Variants in IDH2 observed in about 807,000 individuals in gnomAD.
The protein encoded by IDH2 is isocitrate dehydrogenase [NADP], mitochondrial.
A neutral mutation model predicts 50.5 loss-of-function variants in IDH2; 18 were observed. The ratio of observed to expected loss-of-function variants is 0.36; its 90% CI spans 0.25 to 0.53. The LOEUF (loss-of-function observed/expected upper bound fraction) is 0.53, where lower values mean the gene tolerates loss of function less well. Among genes scored for constraint, IDH2 ranks in the 20% least tolerant of loss-of-function variants. The pLI is 0.92. For synonymous variants in IDH2, 280 were observed against 239.8 expected (o/e 1.17, Z -1.55); for missense variants, 518 against 610.7 (o/e 0.85, Z 1.60).
At chr15:90,090,219 G>A (rs1396384962) in intron 3 of IDH2, among the ~76,000 whole-genome samples, 16 of 152,136 alleles carry the variant, frequency 1.1e-4, no homozygotes, top group Non-Finnish European at 1.0e-4. Flanking sequence ...TGCCCTAACC[G>A]TGGAACCTGA....
chr15:90,089,206 G>A (rs1900965024), intron 3 of IDH2, among the ~76,000 whole-genome samples: 1 of 152,078 alleles, frequency 6.6e-6, no homozygotes, highest in African/African-American at 2.4e-5. Context: ...GAGCCACCAT[G>A]CCCAGCAAGT....
At chr15:90,101,612 TG>T (rs1901333134) in intron 1 of IDH2, among the ~76,000 whole-genome samples, 1 of 145,120 alleles carries the variant, frequency 6.9e-6, no homozygotes, top group African/African-American at 2.6e-5. Context: ...GGCATGTGCC[TG>T]CCAAGGCAGG....
chr15:90,086,172 A>G (rs1435439966), intron 7 of IDH2, among the ~76,000 whole-genome samples: 4 of 152,162 alleles, frequency 2.6e-5, no homozygotes, highest in Non-Finnish European at 5.9e-5. Context: ...AAGTAAAGCC[A>G]AAGGTTTACA....
intron 1 of IDH2, among the ~76,000 whole-genome samples, chr15:90,093,672 T>A (rs1344426745): frequency 6.6e-6 from 1 of 152,184 alleles, no homozygotes; most frequent in Admixed American, 6.5e-5. Flanking sequence ...CAGGCTGGAA[T>A]GCAATGGCGT....
intron 1 of IDH2, among the ~76,000 whole-genome samples, chr15:90,097,867 CAGG>C (rs1012370915): frequency 1.3e-5 from 2 of 152,102 alleles, no homozygotes; most frequent in African/African-American, 4.8e-5. Flanking sequence ...CAAAAAAAAT[CAGG>C]AGATTTTATA....
At chr15:90,099,593 C>A (rs1273423285) in intron 1 of IDH2, among the ~76,000 whole-genome samples, 1 of 152,058 alleles carries the variant, frequency 6.6e-6, no homozygotes, top group African/African-American at 2.4e-5. Flanking sequence ...TAGCTAAGAC[C>A]ACAGACATGC....
intron 1 of IDH2, among the ~76,000 whole-genome samples, chr15:90,092,616 C>T (rs886983188): frequency 2.0e-5 from 3 of 151,926 alleles, no homozygotes; most frequent in Non-Finnish European, 4.4e-5. Flanking sequence ...GCTATTGTCC[C>T]CCAGGGTGGG....
In IDH2 at chr15:90,100,440, G is replaced by T; in HGVS notation, c.115+1836C>A. On this transcript the variant is annotated intron_variant, in intron 1 of 10. Transcript: ENST00000330062. This position sits in a 1 kb window ranked among gnomAD's most constrained non-coding sequence, Gnocchi z 4.1. Reference sequence around the variant, plus strand: ...CAGGGCAGCTAGGGCCTTATCTGACGTGGCAGAAAGATCTGCACACTTAAG... The same window carrying T: ...CAGGGCAGCTAGGGCCTTATCTGACTTGGCAGAAAGATCTGCACACTTAAG... The T allele has an allele frequency of 5.8e-6, 1 of 171,146 alleles. No homozygotes were observed. The highest frequency in any genetic ancestry group is 1.2e-5 in the Non-Finnish European group (1 of 85,314). 10.6% of individuals were successfully genotyped at this position (171,146 alleles called of 1,614,324 possible).
chr15:90,084,938 T>C lies in IDH2; in HGVS notation c.1179-30A>G, dbSNP rs749998939. 6 of 1,612,672 alleles carry C rather than the reference T, an allele frequency of 3.7e-6. No individual in the cohort carries two copies. The highest frequency in any genetic ancestry group is 1.7e-5 in the Admixed American group (1 of 60,028). On this transcript the variant is annotated intron_variant, in intron 9 of 10. Coordinates refer to ENST00000330062, the MANE Select transcript of IDH2 (RefSeq NM_002168.4). The surrounding 1 kb of genome is among the most constrained non-coding windows in gnomAD (Gnocchi z 5.0). ...GGGGATGGGGCAGAATGAGACCCCATCTGTGCAAGGGCAGGACCCAGAGCC... is the reference window on the plus strand; with the variant it reads ...GGGGATGGGGCAGAATGAGACCCCACCTGTGCAAGGGCAGGACCCAGAGCC...
In IDH2 at chr15:90,100,176, A is replaced by G. The variant is rs149180701; in HGVS notation, c.115+2100T>C. 6.6e-5 allele frequency among the ~76,000 whole-genome samples: 10 copies of G among 152,288 alleles called. No individual in the cohort carries two copies. The East Asian group carries it at 1.9e-3, about 29-fold the overall frequency. On this transcript the variant is annotated intron_variant, in intron 1 of 10. Coordinates refer to ENST00000330062, the MANE Select transcript of IDH2 (RefSeq NM_002168.4). This position sits in a 1 kb window ranked among gnomAD's most constrained non-coding sequence, Gnocchi z 4.1. Reference sequence around the variant, plus strand: ...GAAGCTTACAACCTACAGTGTACTAATATTTGCAATCTGCTGGTATTTTTA... The same window carrying G: ...GAAGCTTACAACCTACAGTGTACTAGTATTTGCAATCTGCTGGTATTTTTA...
intron 1 of IDH2, among the ~76,000 whole-genome samples, chr15:90,092,134 TATA>T (rs1467685233): frequency 6.6e-6 from 1 of 152,198 alleles, no homozygotes; most frequent in East Asian, 1.9e-4. Context: ...TGGTGAGCTA[TATA>T]ATTTTTTCAT....
At chr15:90,101,634 G>A (rs1901333756) in intron 1 of IDH2, among the ~76,000 whole-genome samples, 2 of 151,454 alleles carry the variant, frequency 1.3e-5, no homozygotes, top group Admixed American at 6.6e-5. Flanking sequence ...TCAAGTCAAG[G>A]AGAGGCCCCA....
At chr15:90,097,083 T>G (rs1901202189) in intron 1 of IDH2, among the ~76,000 whole-genome samples, 2 of 152,154 alleles carry the variant, frequency 1.3e-5, no homozygotes, top group South Asian at 4.1e-4. Flanking sequence ...AACCCACGTG[T>G]CCATCACAGA....
intron 5 of IDH2, 114 bp from the exon 6 acceptor site, chr15:90,087,689 G>A (rs1900900920): frequency 8.2e-7 from 1 of 1,223,200 alleles, no homozygotes. Flanking sequence ...CGCCGCCCAC[G>A]CGACTGTTTA....
chr15:90,095,746 G>A (rs561114192), intron 1 of IDH2, among the ~76,000 whole-genome samples: 15 of 152,282 alleles, frequency 9.9e-5, no homozygotes, highest in African/African-American at 2.9e-4. Context: ...GTGCCTGCCC[G>A]GAGGCAGTGA....
chr15:90,098,995 G>A lies in IDH2; in HGVS notation c.115+3281C>T, dbSNP rs1453808897. On this transcript the variant is annotated intron_variant, in intron 1 of 10. Coordinates refer to ENST00000330062, the MANE Select transcript of IDH2 (RefSeq NM_002168.4). This position sits in a 1 kb window ranked among gnomAD's most constrained non-coding sequence, Gnocchi z 5.1. ...CGTATCTAGATTTTTATGTAAAATC[G>A]CCTGAATTGGAACCTTTCCCCACTA... Among the ~76,000 whole-genome samples, 2 of 151,868 alleles carry A rather than the reference G, an allele frequency of 1.3e-5. No individual in the cohort carries two copies. The highest frequency in any genetic ancestry group is 6.6e-5 in the Admixed American group (1 of 15,250).
At position 90,102,269 on chromosome 15, in the gene IDH2, C is replaced by T. The variant is rs1298971597; in HGVS notation, c.115+7G>A. On this transcript the variant is annotated splice_region_variant and intron_variant, in intron 1 of 10. Transcript: ENST00000330062. Reference sequence around the variant, plus strand: ...GCGCCTGCCTGGACCCTCCGCGCGGCACTCACAGTGGCGCCGCGGCTGCTC... The same window carrying T: ...GCGCCTGCCTGGACCCTCCGCGCGGTACTCACAGTGGCGCCGCGGCTGCTC... The T allele has an allele frequency of 4.9e-6, 6 of 1,229,586 alleles. No individual in the cohort carries two copies. Among genetic ancestry groups the T allele is most frequent in the Non-Finnish European group, 6.2e-6 (6 of 968,484 alleles). The allele number at this position is 1,229,586 out of a possible 1,614,324, so 76.2% of individuals were successfully genotyped here.
At position 90,084,094 on chromosome 15, in the gene IDH2, C is replaced by T. The variant is rs1487081873; in HGVS notation, c.*172G>A. ...GGTAAAACGCACTGCTCCTGCCTCACGTCACCATGAGGGGAAACACACATA... is the reference window on the plus strand; with the variant it reads ...GGTAAAACGCACTGCTCCTGCCTCATGTCACCATGAGGGGAAACACACATA... On this transcript the variant is annotated 3_prime_UTR_variant, in exon 11 of 11. Coordinates refer to ENST00000330062, the MANE Select transcript of IDH2 (RefSeq NM_002168.4). This position sits in a 1 kb window ranked among gnomAD's most constrained non-coding sequence, Gnocchi z 5.0. The T allele has an allele frequency of 4.8e-5, 30 of 624,346 alleles. No individual in the cohort carries two copies. The Middle Eastern group carries it at 1.7e-3, about 35-fold the overall frequency. The allele number at this position is 624,346 out of a possible 1,614,324, so 38.7% of individuals were successfully genotyped here. A position where few individuals can be genotyped will look rare whatever the true frequency, so the allele number is the denominator to read the frequency against.
Position 90,087,426 on chromosome 15 carries a change from G to A in IDH2, c.815+13C>T, listed in dbSNP as rs373169753. ...GGGAAGAAAGGCCACAGAGTACATG[G>A]ATGAGGCTTTACTTGTCAAAGATCT... is the stretch of plus-strand genomic sequence containing the variant. On this transcript the variant is annotated intron_variant, in intron 6 of 10. Coordinates refer to ENST00000330062, the MANE Select transcript of IDH2 (RefSeq NM_002168.4). 19 of 1,614,112 alleles carry A rather than the reference G, an allele frequency of 1.2e-5. No individual in the cohort carries two copies. Among genetic ancestry groups the A allele is most frequent in the Non-Finnish European group, 1.6e-5 (19 of 1,179,944 alleles).
Sources: allele counts gnomAD v4.1 joint callset (sites outside exome capture counted in the v4.1 genomes callset), GRCh38; gene constraint gnomAD v4.1.1; non-coding constraint Gnocchi (gnomAD v3.1); transcripts MANE v1.5; gene names NCBI Gene and HGNC (gene_info 2026-07-23, HGNC 2026-07-21).